TSHZ3: variants seen among roughly 807,000 people sequenced by gnomAD.
The protein encoded by TSHZ3 is teashirt zinc finger homeobox 3, also known as teashirt homolog 3.
TSHZ3 carries 10 observed loss-of-function variants against 64.5 expected under a neutral mutation model. The ratio of observed to expected loss-of-function variants is 0.16; its 90% CI spans 0.10 to 0.26. The LOEUF is 0.26. Among genes scored for constraint, TSHZ3 ranks in the 10% least tolerant of loss-of-function variants. TSHZ3 has a pLI of 1.00. For missense variants in TSHZ3, 1,242 were observed against 1,421.7 expected, an observed-to-expected ratio of 0.87 and a Z score of 2.03; for synonymous variants, 608 against 593.1, an observed-to-expected ratio of 1.03 and a Z score of -0.36.
chr19:31,307,566 G>GC (rs979982034), intron 1 of TSHZ3, among the ~76,000 whole-genome samples: 2 of 152,156 alleles, frequency 1.3e-5, no homozygotes, highest in African/African-American at 4.8e-5. Context: ...AGCCAAGGGT[G>GC]CCCCCCAAGC....
At chr19:31,239,931 C>A (rs185367353) in intron 3 of TSHZ3, among the ~76,000 whole-genome samples, 1 of 152,166 alleles carries the variant, frequency 6.6e-6, no homozygotes, top group East Asian at 1.9e-4. Flanking sequence ...TTATTTTTAT[C>A]CTTTTGTTTC....
intron 5 of TSHZ3, among the ~76,000 whole-genome samples, chr19:31,198,796 G>A (rs1234335235): frequency 1.3e-5 from 2 of 152,132 alleles, no homozygotes; most frequent in Non-Finnish European, 2.9e-5. Flanking sequence ...ACTAAATAAA[G>A]AGGTATTCAT....
chr19:31,338,533 T>C (rs1917321313), intron 1 of TSHZ3, among the ~76,000 whole-genome samples: 2 of 152,032 alleles, frequency 1.3e-5, no homozygotes, highest in Non-Finnish European at 2.9e-5. Flanking sequence ...TTAATAGTTA[T>C]ATTGTGCTAA....
chr19:31,211,449 A>G (rs1358378503), intron 4 of TSHZ3, among the ~76,000 whole-genome samples: 3 of 152,148 alleles, frequency 2.0e-5, no homozygotes, highest in Non-Finnish European at 4.4e-5. Flanking sequence ...GGACACACCA[A>G]CTTCTCTTGA....
intron 1 of TSHZ3, among the ~76,000 whole-genome samples, chr19:31,302,679 T>A (rs984718411): frequency 2.0e-5 from 3 of 152,204 alleles, no homozygotes; most frequent in Admixed American, 6.5e-5. Flanking sequence ...TGTCTATATA[T>A]AAACACACAC....
chr19:31,286,241 A>G (rs1976462031), intron 1 of TSHZ3, among the ~76,000 whole-genome samples: 1 of 152,238 alleles, frequency 6.6e-6, no homozygotes, highest in Admixed American at 6.5e-5. Context: ...CCTGAACTGA[A>G]GAACTTGGCA....
At chr19:31,206,109 ATGG>A (rs781090239) in intron 4 of TSHZ3, among the ~76,000 whole-genome samples, 2,198 of 151,612 alleles carry the variant, frequency 0.014, 49 homozygotes, top group African/African-American at 0.051. Context: ...GGATGGATGG[ATGG>A]ATGGATGGAT....
intron 1 of TSHZ3, among the ~76,000 whole-genome samples, chr19:31,283,797 C>A (rs566061398): frequency 1.3e-5 from 2 of 152,186 alleles, no homozygotes; most frequent in African/African-American, 2.4e-5. Context: ...GAGCTTGACA[C>A]GCAAAGCCCC....
At chr19:31,172,965 C>T (rs1053452189) in intron 5 of TSHZ3, among the ~76,000 whole-genome samples, 1 of 152,160 alleles carries the variant, frequency 6.6e-6, no homozygotes, top group Non-Finnish European at 1.5e-5. Flanking sequence ...AAGATAGGGA[C>T]AGAAGGTGAT....
intron 1 of TSHZ3, among the ~76,000 whole-genome samples, chr19:31,306,701 G>A (rs1182557645): frequency 1.3e-5 from 2 of 152,112 alleles, no homozygotes; most frequent in Non-Finnish European, 2.9e-5. Flanking sequence ...CCTGGGCTAG[G>A]TTTGTTTGCT....
intron 1 of TSHZ3, among the ~76,000 whole-genome samples, chr19:31,314,157 C>T (rs746688391): frequency 2.0e-5 from 3 of 152,108 alleles, no homozygotes; most frequent in Non-Finnish European, 2.9e-5. Context: ...CCTAGACAAC[C>T]AGAAAGGATG....
At chr19:31,220,611 T>C (rs1975384119) in intron 4 of TSHZ3, among the ~76,000 whole-genome samples, 1 of 152,236 alleles carries the variant, frequency 6.6e-6, no homozygotes, top group African/African-American at 2.4e-5. Context: ...TAGCAACATA[T>C]GATTAGTGGC....
intron 1 of TSHZ3, among the ~76,000 whole-genome samples, chr19:31,348,057 C>T (rs978034344): frequency 6.6e-6 from 1 of 152,234 alleles, no homozygotes; most frequent in African/African-American, 2.4e-5. Flanking sequence ...ACTTAACCCT[C>T]CCCTTCAGGG....
At chr19:31,285,612 G>A (rs191846212) in intron 1 of TSHZ3, among the ~76,000 whole-genome samples, 23 of 150,642 alleles carry the variant, frequency 1.5e-4, no homozygotes, top group African/African-American at 4.4e-4. Flanking sequence ...GTGAAACTCC[G>A]TCTCTACTAA....
chr19:31,165,023 T>C (rs1488186225), intron 5 of TSHZ3, among the ~76,000 whole-genome samples: 5 of 152,340 alleles, frequency 3.3e-5, no homozygotes, highest in African/African-American at 9.6e-5. Context: ...CCGGGGATGA[T>C]GCCAGGGCCG....
intron 5 of TSHZ3, among the ~76,000 whole-genome samples, chr19:31,191,978 A>G (rs1284561696): frequency 6.6e-6 from 1 of 152,240 alleles, no homozygotes; most frequent in Admixed American, 6.5e-5. Context: ...CATATAACAT[A>G]TAAAGTAAGA....
intron 1 of TSHZ3, among the ~76,000 whole-genome samples, chr19:31,266,444 G>A (rs1369230753): frequency 1.3e-5 from 2 of 152,066 alleles, no homozygotes; most frequent in African/African-American, 4.8e-5. Context: ...CTTGAATCAG[G>A]GGCGCCACTC....
chr19:31,193,549 G>A (rs113947895), intron 5 of TSHZ3, among the ~76,000 whole-genome samples: 45 of 152,260 alleles, frequency 3.0e-4, no homozygotes, highest in African/African-American at 1.0e-3. Context: ...CCTGTGTCGC[G>A]ATCCTGCATG....
In TSHZ3 at chr19:31,279,141, C is replaced by T. The variant is rs568008381; in HGVS notation, c.652G>A (p.Asp218Asn). 1.1e-5 allele frequency: 18 copies of T among 1,613,404 alleles called. No homozygotes were observed. The highest frequency in any genetic ancestry group is 1.4e-5 in the Non-Finnish European group (17 of 1,179,450). Residue 218 changes from aspartate (D) to asparagine (N), a missense_variant, in exon 2 of 2, where the codon GAC becomes AAC. Asp to Asn is a conservative substitution (Grantham distance 23). Around this residue, in one of 4 missense-constraint regions of TSHZ3, gnomAD observed 555 missense variants for 704.0 expected, o/e 0.79. Coordinates refer to ENST00000240587, the MANE Select transcript of TSHZ3 (RefSeq NM_020856.4). The surrounding 1 kb of genome is among the most constrained non-coding windows in gnomAD (Gnocchi z 6.4). ...FTGASKFRCK[D>N]CSAAYDTLVE... ...AGGGTGTCGTAGGCAGCGCTGCAGTCCTTACAGCGGAACTTGCTGGCCCCC... is the reference window on the plus strand; with the variant it reads ...AGGGTGTCGTAGGCAGCGCTGCAGTTCTTACAGCGGAACTTGCTGGCCCCC...
Sources: gnomAD v4.1 joint callset for allele counts (sites outside exome capture counted in the v4.1 genomes callset) on GRCh38, gnomAD v4.1.1 for gene constraint, gnomAD v4.1.1 regional missense constraint, Gnocchi (gnomAD v3.1) non-coding constraint, MANE v1.5 for transcripts, NCBI Gene and HGNC (gene_info 2026-07-23, HGNC 2026-07-21) for gene names.